Variants in CWC27 observed in about 807,000 individuals in gnomAD.
CWC27 encodes CWC27 spliceosome associated cyclophilin.
CWC27 carries 47 observed loss-of-function variants against 63.6 expected under a neutral mutation model. The observed-to-expected ratio is 0.74, with a 90% CI of 0.58 to 0.94. The LOEUF (loss-of-function observed/expected upper bound fraction) is 0.94, where lower values mean the gene tolerates loss of function less well. CWC27 is among the 40% of genes least tolerant of loss of function. The pLI is 0.00. For missense variants in CWC27, 495 were observed against 554.3 expected, an observed-to-expected ratio of 0.89 and a Z score of 1.07; for synonymous variants, 175 against 179.8, an observed-to-expected ratio of 0.97 and a Z score of 0.22.
intron 11 of CWC27, among the ~76,000 whole-genome samples, chr5:64,967,436 T>G (rs1245504196): frequency 2.0e-5 from 3 of 151,992 alleles, no homozygotes; most frequent in African/African-American, 4.8e-5. Flanking sequence ...ATTTTAAAAT[T>G]TATATGGAAA....
At position 64,774,309 on chromosome 5, in the gene CWC27, C is replaced by G. The variant is rs368783300; in HGVS notation, c.43-382C>G. ...TAGCATGGAACACCACCATGCCTGG[C>G]TAATTAAAACAAATTTTCTTAGAGA... On this transcript the variant is annotated intron_variant, in intron 1 of 13. Transcript: ENST00000381070. 2.4e-4 allele frequency among the ~76,000 whole-genome samples: 37 copies of G among 152,214 alleles called. No individual in the cohort carries two copies. In the East Asian group the frequency reaches 4.8e-3, roughly 20 times the overall value.
At chr5:64,813,837 GTTC>G (rs1744954159) in intron 10 of CWC27, among the ~76,000 whole-genome samples, 4 of 152,280 alleles carry the variant, frequency 2.6e-5, no homozygotes, top group African/African-American at 4.8e-5. Context: ...AAGAAGTAAA[GTTC>G]TTCTTTGTTT....
chr5:64,836,540 T>TAAAAC (rs974874232), intron 10 of CWC27, among the ~76,000 whole-genome samples: 9 of 152,074 alleles, frequency 5.9e-5, no homozygotes, highest in Non-Finnish European at 7.4e-5. Flanking sequence ...CATGTGACCT[T>TAAAAC]AAAACAAAAC....
At chr5:64,894,543 T>C (rs1747321848) in intron 11 of CWC27, among the ~76,000 whole-genome samples, 1 of 152,192 alleles carries the variant, frequency 6.6e-6, no homozygotes, top group South Asian at 2.1e-4. Flanking sequence ...ACATGTGATT[T>C]GGGAATGAAT....
intron 10 of CWC27, among the ~76,000 whole-genome samples, chr5:64,824,728 C>CTTTTTTT (rs768576527): frequency 1.2e-3 from 112 of 91,954 alleles, no homozygotes; most frequent in Non-Finnish European, 1.5e-3. Context: ...TTTCTTTTCT[C>CTTTTTTT]TTTTTTTTTT....
At chr5:64,794,477 T>TAG (rs1744188838) in intron 7 of CWC27, among the ~76,000 whole-genome samples, 1 of 152,062 alleles carries the variant, frequency 6.6e-6, no homozygotes, top group South Asian at 2.1e-4. Context: ...ATCTCTGGAA[T>TAG]AAGGATTTTA....
In CWC27 at chr5:64,857,967, C is replaced by A. The variant is rs1389282641; in HGVS notation, c.939-27476C>A. Among the ~76,000 whole-genome samples the A allele has an allele frequency of 2.1e-5, 3 of 146,076 alleles. No homozygotes were observed. In the Admixed American group the frequency reaches 2.1e-4, roughly 10 times the overall value. On this transcript the variant is annotated intron_variant, in intron 10 of 13. Coordinates refer to ENST00000381070, the MANE Select transcript of CWC27 (RefSeq NM_005869.4). The stretch of plus-strand genomic sequence containing the variant: ...CCTGGCTAACACGGTGAAACCCCGT[C>A]TCTACTAAAAATACAAAAAAATTAG...
In CWC27 at chr5:64,854,667, A is replaced by G. The variant is rs191051978; in HGVS notation, c.939-30776A>G. 7.2e-5 allele frequency among the ~76,000 whole-genome samples: 11 copies of G among 152,338 alleles called. No individual in the cohort carries two copies. The East Asian group carries it at 1.9e-3, about 27-fold the overall frequency. On this transcript the variant is annotated intron_variant, in intron 10 of 13. Coordinates refer to ENST00000381070, the MANE Select transcript of CWC27 (RefSeq NM_005869.4). Reference sequence around the variant, plus strand: ...TAATACAGTCTATGTTCTGTGCTTCAGGATGAAATAAAGACACATCTTAGA... The same window carrying G: ...TAATACAGTCTATGTTCTGTGCTTCGGGATGAAATAAAGACACATCTTAGA...
rs758507843 is a variant in CWC27, at chr5:64,939,878, C to T, written c.1043-31825C>T. Reference sequence around the variant, plus strand: ...GGCTTTGCCAAGCTGCACTGGGCTCCGCCCAGTACTAACTTCTGGTCGGCT... The same window carrying T: ...GGCTTTGCCAAGCTGCACTGGGCTCTGCCCAGTACTAACTTCTGGTCGGCT... On this transcript the variant is annotated intron_variant, in intron 11 of 13. Transcript: ENST00000381070. 5.3e-5 allele frequency among the ~76,000 whole-genome samples: 8 copies of T among 152,314 alleles called. No homozygotes were observed. In the East Asian group the frequency reaches 7.7e-4, roughly 15 times the overall value.
At chr5:64,817,066 T>C (rs1745056038) in intron 10 of CWC27, among the ~76,000 whole-genome samples, 1 of 152,126 alleles carries the variant, frequency 6.6e-6, no homozygotes, top group Admixed American at 6.6e-5. Context: ...GGTCCTCATA[T>C]CCTTTTACTT....
chr5:64,899,159 T>A (rs909887984), intron 11 of CWC27, among the ~76,000 whole-genome samples: 2 of 152,126 alleles, frequency 1.3e-5, no homozygotes, highest in Non-Finnish European at 2.9e-5. Context: ...TAGATTCTGT[T>A]ATATAATATG....
At chr5:64,848,395 G>A (rs941289340) in intron 10 of CWC27, among the ~76,000 whole-genome samples, 1 of 152,122 alleles carries the variant, frequency 6.6e-6, no homozygotes, top group African/African-American at 2.4e-5. Flanking sequence ...TTTCACAGCT[G>A]AATTATAGTA....
At chr5:64,844,790 C>T (rs985020170) in intron 10 of CWC27, 1 of 420,932 alleles carries the variant, frequency 2.4e-6, no homozygotes, top group Non-Finnish European at 4.8e-6. Flanking sequence ...GAGCCTAGAC[C>T]TGTTTGACCC....
intron 11 of CWC27, among the ~76,000 whole-genome samples, chr5:64,916,312 A>G (rs994044145): frequency 6.6e-6 from 1 of 152,212 alleles, no homozygotes; most frequent in Non-Finnish European, 1.5e-5. Context: ...ATGGAGTATC[A>G]TGGTCAAGAG....
Position 64,962,983 on chromosome 5 carries a change from GTC to G in CWC27, c.1043-8712_1043-8711del, listed in dbSNP as rs1390156197. Reference sequence around the variant, plus strand: ...AAGAGTTTCTATTTTGTGAGACAGAGTCTCTCTCTGTTGCCCAGGCTGGAGTG... The same window carrying G: ...AAGAGTTTCTATTTTGTGAGACAGAGTCTCTCTGTTGCCCAGGCTGGAGTG... On this transcript the variant is annotated intron_variant, in intron 11 of 13. Transcript: ENST00000381070. 2.0e-5 allele frequency among the ~76,000 whole-genome samples: 3 copies of G among 152,298 alleles called. No homozygotes were observed. In the South Asian group the frequency reaches 6.2e-4, roughly 32 times the overall value.
intron 11 of CWC27, among the ~76,000 whole-genome samples, chr5:64,950,815 G>A (rs1453553517): frequency 6.6e-6 from 1 of 151,852 alleles, no homozygotes; most frequent in Non-Finnish European, 1.5e-5. Context: ...CCCAGCCCTG[G>A]CAACCATTAA....
chr5:64,874,728 C>G (rs1316599472), intron 10 of CWC27, among the ~76,000 whole-genome samples: 1 of 152,048 alleles, frequency 6.6e-6, no homozygotes, highest in Non-Finnish European at 1.5e-5. Context: ...AGTCCCCCTC[C>G]TCATTTTCCA....
intron 13 of CWC27, among the ~76,000 whole-genome samples, chr5:65,010,560 C>A (rs1354186521): frequency 6.6e-6 from 1 of 152,180 alleles, no homozygotes; most frequent in Non-Finnish European, 1.5e-5. Flanking sequence ...AAGCTGTCAA[C>A]ACAGTACACT....
intron 11 of CWC27, among the ~76,000 whole-genome samples, chr5:64,943,759 A>T (rs1748537180): frequency 6.6e-6 from 1 of 152,170 alleles, no homozygotes; most frequent in South Asian, 2.1e-4. Flanking sequence ...TCTTCATAGA[A>T]AAGCATCCAA....
Sources: gnomAD v4.1 joint callset for allele counts (sites outside exome capture counted in the v4.1 genomes callset) on GRCh38, gnomAD v4.1.1 for gene constraint, MANE v1.5 for transcripts, NCBI Gene and HGNC (gene_info 2026-07-23, HGNC 2026-07-21) for gene names.